The following GPM6B variants were observed in gnomAD, a reference collection of about 807,000 sequenced individuals.
GPM6B encodes neuronal membrane glycoprotein M6-b.
A neutral mutation model predicts 27.2 loss-of-function variants in GPM6B; 4 were observed. That is an observed-to-expected ratio of 0.15 (90% CI 0.07 to 0.34). The LOEUF is 0.34. Among genes scored for constraint, GPM6B ranks in the 10% least tolerant of loss-of-function variants. The pLI is 1.00. For missense variants in GPM6B, 183 were observed against 261.9 expected (o/e 0.70, Z 2.08); for synonymous variants, 124 against 103.1 (o/e 1.20, Z -1.23).
In GPM6B at chrX:13,850,909, A is replaced by C. The variant is rs760879179; in HGVS notation, c.-197-65101T>G. 4.5e-5 allele frequency among the ~76,000 whole-genome samples: 5 copies of C among 111,444 alleles called. No homozygotes were observed. In the South Asian group the frequency reaches 1.5e-3, roughly 34 times the overall value. On this transcript the variant is annotated intron_variant, in intron 1 of 6. Coordinates refer to the GPM6B transcript ENST00000398361. The stretch of plus-strand genomic sequence containing the variant: ...CCAGGCATGGGGGCTCGTGCCTGTA[A>C]TCCCAGCACTTTGGGAGGCCAAGGT...
chrX:13,865,348 C>A (rs1437564264), intron 1 of GPM6B, among the ~76,000 whole-genome samples: 2 of 108,032 alleles, frequency 1.9e-5, no homozygotes, highest in East Asian at 5.7e-4. Context: ...TTGTAAACTG[C>A]AAAGCAGTTC....
intron 1 of GPM6B, among the ~76,000 whole-genome samples, chrX:13,849,433 A>G (rs2049688383): frequency 8.9e-6 from 1 of 112,664 alleles, no homozygotes; most frequent in South Asian, 3.7e-4. Context: ...TTTCATACAC[A>G]CAGTCATTGC....
At chrX:13,791,007 C>T (rs974489380) in intron 2 of GPM6B, among the ~76,000 whole-genome samples, 1 of 111,886 alleles carries the variant, frequency 8.9e-6, no homozygotes, top group Non-Finnish European at 1.9e-5. Context: ...ACCAGCAGAA[C>T]ACCATGCTGT....
chrX:13,869,675 T>A (rs1382678344), intron 1 of GPM6B, among the ~76,000 whole-genome samples: 1 of 111,996 alleles, frequency 8.9e-6, no homozygotes, highest in Non-Finnish European at 1.9e-5. Context: ...ATTCATTTTT[T>A]AAATTTAACC....
chrX:13,816,450 T>G (rs1265089621), intron 1 of GPM6B, among the ~76,000 whole-genome samples: 3 of 111,588 alleles, frequency 2.7e-5, no homozygotes, highest in African/African-American at 9.8e-5. Flanking sequence ...AGAATTAACA[T>G]GCATGCCCCT....
chrX:13,872,704 A>C (rs2049992516), intron 1 of GPM6B, among the ~76,000 whole-genome samples: 1 of 111,058 alleles, frequency 9.0e-6, no homozygotes, highest in Non-Finnish European at 1.9e-5. Flanking sequence ...CGAACAGAGC[A>C]GGAGCATCTC....
chrX:13,880,900 G>A (rs1255382501), intron 1 of GPM6B, among the ~76,000 whole-genome samples: 2 of 109,896 alleles, frequency 1.8e-5, no homozygotes, highest in African/African-American at 3.3e-5. Context: ...GTTTCTCCAT[G>A]GGGCCTTTGC....
chrX:13,783,926 T>C (rs1390475936), intron 3 of GPM6B: 2 of 324,577 alleles, frequency 6.2e-6, no homozygotes, highest in South Asian at 5.5e-5. Context: ...ATGTTCTTTC[T>C]GCCCTTTCAA....
chrX:13,827,872 A>G (rs2147213170), intron 1 of GPM6B, among the ~76,000 whole-genome samples: 1 of 111,976 alleles, frequency 8.9e-6, no homozygotes, highest in African/African-American at 3.2e-5. Flanking sequence ...ATGCTGTTTC[A>G]GCCACTCCCT....
rs757974105 is a variant in GPM6B, at chrX:13,771,031, G to C, written c.*1850C>G. ...TTTAAAATAAGCATACACAAGTATT[G>C]ACTATTATCTACAAATATTTATTGT... On this transcript the variant is annotated 3_prime_UTR_variant, in exon 8 of 8. Coordinates refer to ENST00000316715, the MANE Select transcript of GPM6B (RefSeq NM_001001995.3). 3 of 112,423 alleles carry C rather than the reference G, an allele frequency of 2.7e-5. No homozygotes were observed. The highest frequency in any genetic ancestry group is 6.5e-5 in the African/African-American group (2 of 30,880). The allele number at this position is 112,423 out of a possible 1,213,427, so 9.3% of individuals were successfully genotyped here.
At chrX:13,853,804 A>G (rs1194896262) in intron 1 of GPM6B, among the ~76,000 whole-genome samples, 1 of 110,753 alleles carries the variant, frequency 9.0e-6, no homozygotes. Flanking sequence ...GCCTAAACAT[A>G]TTGAAATTCC....
intron 1 of GPM6B, among the ~76,000 whole-genome samples, chrX:13,875,062 C>T (rs754514900): frequency 9.1e-6 from 1 of 109,311 alleles, no homozygotes; most frequent in East Asian, 2.9e-4. Context: ...CCTTGATGAG[C>T]AATAAAATCA....
In GPM6B at chrX:13,852,784, T is replaced by C. The variant is rs750345078; in HGVS notation, c.-197-66976A>G. ...GAGTACAACAAAAACTTTTTTTTTTTTTTTTTAAAGACTGGGTTTCACTCT... is the reference window on the plus strand; with the variant it reads ...GAGTACAACAAAAACTTTTTTTTTTCTTTTTTAAAGACTGGGTTTCACTCT... On this transcript the variant is annotated intron_variant, in intron 1 of 6. Transcript: ENST00000398361. Among the ~76,000 whole-genome samples, 34 of 106,543 alleles carry C rather than the reference T, an allele frequency of 3.2e-4. No homozygotes were observed. The East Asian group carries it at 9.3e-3, about 29-fold the overall frequency. The allele number at this position is 106,543 out of a possible 115,157, so 92.5% of individuals were successfully genotyped here. A position where few individuals can be genotyped will look rare whatever the true frequency, so the allele number is the denominator to read the frequency against.
intron 1 of GPM6B, among the ~76,000 whole-genome samples, chrX:13,900,872 A>G (rs1355638902): frequency 2.7e-5 from 3 of 111,824 alleles, no homozygotes; most frequent in Non-Finnish European, 5.6e-5. Flanking sequence ...AACATTTCAC[A>G]TCATTCCTGA....
rs1269511923 is a variant in GPM6B at position 13,920,286 on chromosome X, AAAG to A, written c.-198+18038_-198+18040del. On this transcript the variant is annotated intron_variant, in intron 1 of 6. Transcript: ENST00000398361. ...TGTCTCAAAAAAAAAAAAAAAAAAA[AAAG>A]AAAGAAAGAAAGAAAAAAAAAGAAA... is the stretch of plus-strand genomic sequence containing the variant. Among the ~76,000 whole-genome samples the A allele has an allele frequency of 1.6e-3, 134 of 81,545 alleles. 2 individuals carry two copies. Among genetic ancestry groups the A allele is most frequent in the Non-Finnish European group, 2.0e-3 (87 of 43,405 alleles). The allele number at this position is 81,545 out of a possible 115,157, so 70.8% of individuals were successfully genotyped here.
chrX:13,814,512 A>G (rs1479814839), intron 1 of GPM6B, among the ~76,000 whole-genome samples: 1 of 112,919 alleles, frequency 8.9e-6, no homozygotes. Flanking sequence ...TCTATAAATA[A>G]TTATGTCAAG....
chrX:13,924,516 T>C (rs1362387335), intron 1 of GPM6B, among the ~76,000 whole-genome samples: 1 of 111,118 alleles, frequency 9.0e-6, no homozygotes, highest in African/African-American at 3.3e-5. Context: ...TTTCCTAGGC[T>C]GGTCTCAAAC....
Position 13,817,089 on chromosome X carries a change from G to A in GPM6B, c.-185C>T, listed in dbSNP as rs756319332. 20 of 1,012,758 alleles carry A rather than the reference G, an allele frequency of 2.0e-5. No individual in the cohort carries two copies. In the African/African-American group the frequency reaches 2.4e-4, roughly 12 times the overall value. The allele number at this position is 1,012,758 out of a possible 1,213,427, so 83.5% of individuals were successfully genotyped here. On this transcript the variant is annotated 5_prime_UTR_variant, in exon 1 of 8. Transcript: ENST00000316715. ...CAAAAGTCTTGTCAGCGTCAATTTC[G>A]CTCTGCCTACTGGTCCATAAAGACA...
chrX:13,869,057 A>G (rs187516283), intron 1 of GPM6B, among the ~76,000 whole-genome samples: 17 of 112,022 alleles, frequency 1.5e-4, no homozygotes, highest in African/African-American at 5.5e-4. Context: ...CATCAGAATA[A>G]TAGTCCAAAA....
Sources: allele counts gnomAD v4.1 joint callset (sites outside exome capture counted in the v4.1 genomes callset), GRCh38; gene constraint gnomAD v4.1.1; transcripts MANE v1.5; gene names NCBI Gene and HGNC (gene_info 2026-07-23, HGNC 2026-07-21).